POLD3: variants seen among roughly 807,000 people sequenced by gnomAD.
The protein encoded by POLD3 is DNA polymerase delta subunit 3.
A neutral mutation model predicts 58.2 loss-of-function variants in POLD3; 19 were observed. The observed-to-expected ratio is 0.33, with a 90% CI of 0.23 to 0.48. POLD3 has a LOEUF of 0.48. Among genes scored for constraint, POLD3 ranks in the 20% least tolerant of loss-of-function variants. The pLI, the probability that POLD3 is intolerant of heterozygous loss-of-function variation, is 0.99. For missense variants in POLD3, 504 were observed against 545.5 expected, an observed-to-expected ratio of 0.92 and a Z score of 0.76; for synonymous variants, 172 against 193.5, an observed-to-expected ratio of 0.89 and a Z score of 0.92.
rs1041279461 is a variant in POLD3, at chr11:74,641,894, A to G, written c.*1128A>G. 1.0e-5 allele frequency: 10 copies of G among 985,118 alleles called. No individual in the cohort carries two copies. The African/African-American group carries it at 1.4e-4, about 14-fold the overall frequency. The allele number at this position is 985,118 out of a possible 1,614,324, so 61.0% of individuals were successfully genotyped here. Reference sequence around the variant, plus strand: ...AGTAGGTCTAAACATCAAAGAAAACATTTTTATTAGTTACTTATGGAAAAT... The same window carrying G: ...AGTAGGTCTAAACATCAAAGAAAACGTTTTTATTAGTTACTTATGGAAAAT... On this transcript the variant is annotated 3_prime_UTR_variant, in exon 12 of 12. Transcript: ENST00000263681.
chr11:74,666,854 C>T (rs928823645), intron 4 of POLD3, among the ~76,000 whole-genome samples: 1 of 151,094 alleles, frequency 6.6e-6, no homozygotes, highest in Non-Finnish European at 1.5e-5. Flanking sequence ...CCACAGTAAT[C>T]AAGACAGGCT....
intron 3 of POLD3, among the ~76,000 whole-genome samples, chr11:74,608,991 G>A (rs912071797): frequency 7.9e-5 from 12 of 151,722 alleles, no homozygotes; most frequent in Non-Finnish European, 1.8e-4. Flanking sequence ...TTAGATTGCT[G>A]TTTTTTTTAT....
chr11:74,655,201 A>G (rs1439646007), intron 4 of POLD3, among the ~76,000 whole-genome samples: 1 of 152,282 alleles, frequency 6.6e-6, no homozygotes, highest in Non-Finnish European at 1.5e-5. Context: ...CCTCTGATCA[A>G]TCATTAGCTG....
chr11:74,610,734 G>A (rs911283230), intron 3 of POLD3, among the ~76,000 whole-genome samples: 2 of 151,724 alleles, frequency 1.3e-5, no homozygotes, highest in Non-Finnish European at 2.9e-5. Flanking sequence ...TTAGCTTATA[G>A]CAGGTTATAG....
downstream of POLD3, among the ~76,000 whole-genome samples, chr11:74,646,896 G>A (rs531957003): frequency 6.1e-4 from 93 of 152,362 alleles, no homozygotes; most frequent in African/African-American, 2.1e-3. Context: ...TGACGGTACA[G>A]TGCAGTGGTC....
At position 74,599,427 on chromosome 11, in the gene POLD3, G is replaced by A. The variant is rs184842728; in HGVS notation, c.117-5265G>A. On this transcript the variant is annotated intron_variant, in intron 2 of 11. Coordinates refer to ENST00000263681, the MANE Select transcript of POLD3 (RefSeq NM_006591.3). ...GTTGCCTAGGCCGGAGTGCAGTGGC[G>A]GAACTCAGCTCACTGCAACCTCCAC... Among the ~76,000 whole-genome samples, 390 of 150,558 alleles carry A rather than the reference G, an allele frequency of 2.6e-3. 2 individuals carry two copies. Among genetic ancestry groups the A allele is most frequent in the Middle Eastern group, 0.02 (6 of 294 alleles).
At chr11:74,622,036 A>C in intron 7 of POLD3, among the ~76,000 whole-genome samples, 1 of 144,904 alleles carries the variant, frequency 6.9e-6, no homozygotes, top group Non-Finnish European at 1.5e-5. Flanking sequence ...CCACCCCACA[A>C]CAGTCCCCAG....
downstream of POLD3, among the ~76,000 whole-genome samples, chr11:74,647,775 G>A (rs1414794099): frequency 6.6e-6 from 1 of 152,138 alleles, no homozygotes; most frequent in Non-Finnish European, 1.5e-5. Flanking sequence ...AGTTTACTGT[G>A]TACCCAGCAC....
chr11:74,647,431 A>G (rs2033012990), downstream of POLD3, among the ~76,000 whole-genome samples: 1 of 152,066 alleles, frequency 6.6e-6, no homozygotes, highest in Non-Finnish European at 1.5e-5. Context: ...CACATTTTGC[A>G]GAAAAGAAGC....
chr11:74,602,516 A>AAATATACC (rs1488443937), intron 2 of POLD3, among the ~76,000 whole-genome samples: 1 of 152,104 alleles, frequency 6.6e-6, no homozygotes, highest in Admixed American at 6.6e-5. Flanking sequence ...TCTCACTTTA[A>AAATATACC]AATATACCCA....
chr11:74,623,200 G>A (rs923407490), intron 7 of POLD3, among the ~76,000 whole-genome samples: 2 of 152,176 alleles, frequency 1.3e-5, no homozygotes, highest in African/African-American at 2.4e-5. Flanking sequence ...TTGGGAGGCC[G>A]AGGCGGGCGG....
intron 3 of POLD3, among the ~76,000 whole-genome samples, chr11:74,607,248 T>TATATA (rs1565114139): frequency 0.018 from 1,712 of 95,916 alleles, 14 homozygotes; most frequent in Middle Eastern, 0.068. Flanking sequence ...TATTATATAT[T>TATATA]TATTTATTTA....
At chr11:74,615,676 A>G (rs2032060582) in intron 5 of POLD3, among the ~76,000 whole-genome samples, 1 of 152,188 alleles carries the variant, frequency 6.6e-6, no homozygotes, top group African/African-American at 2.4e-5. Context: ...GTTGTTAGAA[A>G]GGTGCTGTAG....
chr11:74,605,819 T>A (rs1000180384), intron 3 of POLD3, among the ~76,000 whole-genome samples: 3 of 152,180 alleles, frequency 2.0e-5, no homozygotes, highest in African/African-American at 7.2e-5. Context: ...TACAGTGCCT[T>A]GCTGCTGTGA....
chr11:74,613,583 C>T (rs1023203803), intron 5 of POLD3, among the ~76,000 whole-genome samples: 1 of 152,222 alleles, frequency 6.6e-6, no homozygotes, highest in Non-Finnish European at 1.5e-5. Context: ...ACTCTTTGAG[C>T]TTTGGTTTCT....
chr11:74,652,406 C>T (rs1173898747), intron 4 of POLD3, among the ~76,000 whole-genome samples: 1 of 152,218 alleles, frequency 6.6e-6, no homozygotes, highest in Non-Finnish European at 1.5e-5. Flanking sequence ...GGTTGCGTAT[C>T]ATCATCAGTA....
At chr11:74,612,838 G>C in intron 4 of POLD3, 40 bp from the exon 5 acceptor site, 1 of 1,578,478 alleles carries the variant, frequency 6.3e-7, no homozygotes, top group African/African-American at 1.4e-5. Flanking sequence ...ATGCTATGAA[G>C]TTTGTGTATT....
chr11:74,606,762 A>G (rs1364580871), intron 3 of POLD3, among the ~76,000 whole-genome samples: 3 of 152,200 alleles, frequency 2.0e-5, no homozygotes, highest in African/African-American at 7.2e-5. Flanking sequence ...TATTTCCGAG[A>G]CCATTTTTCA....
intron 5 of POLD3, 44 bp downstream of exon 5, chr11:74,613,054 T>A: frequency 1.9e-6 from 3 of 1,576,484 alleles, no homozygotes; most frequent in Middle Eastern, 1.7e-4. Context: ...ACGAATTGAT[T>A]TTGTAAGATG....
Sources: gnomAD v4.1 joint callset for allele counts (sites outside exome capture counted in the v4.1 genomes callset) on GRCh38, gnomAD v4.1.1 for gene constraint, MANE v1.5 for transcripts, NCBI Gene and HGNC (gene_info 2026-07-23, HGNC 2026-07-21) for gene names.